DLGAP5: variants seen among roughly 807,000 people sequenced by gnomAD.
The protein encoded by DLGAP5 is disks large-associated protein 5.
A neutral mutation model predicts 99.6 loss-of-function variants in DLGAP5; 90 were observed. The ratio of observed to expected loss-of-function variants is 0.90; its 90% CI spans 0.76 to 1.08. DLGAP5 has a LOEUF of 1.08. Ranked by LOEUF, DLGAP5 falls within the 50% of genes least tolerant of loss-of-function variation. DLGAP5 has a pLI of 0.00. For synonymous variants in DLGAP5, 311 were observed against 321.3 expected, an observed-to-expected ratio of 0.97 and a Z score of 0.34; for missense variants, 1,036 against 983.5, an observed-to-expected ratio of 1.05 and a Z score of -0.71.
chr14:55,184,438 A>T (rs769501142), intron 2 of DLGAP5, among the ~76,000 whole-genome samples: 7 of 152,166 alleles, frequency 4.6e-5, no homozygotes, highest in African/African-American at 7.2e-5. Flanking sequence ...GGCATTTATT[A>T]CTTCACTTTT....
At chr14:55,185,962 A>G (rs538881977) in intron 2 of DLGAP5, among the ~76,000 whole-genome samples, 1 of 152,356 alleles carries the variant, frequency 6.6e-6, no homozygotes, top group African/African-American at 2.4e-5. Context: ...ACTTTAGTAT[A>G]TACTTCTAAA....
rs749303143 is a variant in DLGAP5 at position 55,154,806 on chromosome 14, C to T, written c.1874G>A (p.Gly625Glu). 1.2e-6 allele frequency: 2 copies of T among 1,612,650 alleles called. No individual in the cohort carries two copies. Among genetic ancestry groups the T allele is most frequent in the East Asian group, 2.2e-5 (1 of 44,864 alleles). The change falls in exon 15 of 19, where the codon GGA (glycine) becomes GAA (glutamate). Residue 625 changes from glycine to glutamate, a missense_variant and splice_region_variant. Transcript: ENST00000247191. ...RVESPVKLFS[G>E]LSVSSEGPSQ... is the part of the protein sequence containing the mutation. The stretch of plus-strand genomic sequence containing the variant: ...AGGGCCTTCAGAAGAGACAGAAAGT[C>T]CTAGAAGATGAGAGAAATCACCTCA...
At chr14:55,168,509 T>C (rs534946869) in intron 12 of DLGAP5, among the ~76,000 whole-genome samples, 2 of 152,368 alleles carry the variant, frequency 1.3e-5, no homozygotes, top group South Asian at 2.1e-4. Context: ...TTGTTGGCTG[T>C]TGGTTCTTGA....
intron 12 of DLGAP5, among the ~76,000 whole-genome samples, chr14:55,164,830 G>A (rs1325424416): frequency 1.3e-5 from 2 of 150,872 alleles, no homozygotes. Flanking sequence ...GCTGAGGCAT[G>A]AGAATTGCTT....
At chr14:55,184,168 G>C (rs1321757901) in intron 2 of DLGAP5, among the ~76,000 whole-genome samples, 2 of 151,716 alleles carry the variant, frequency 1.3e-5, no homozygotes, top group Non-Finnish European at 2.9e-5. Flanking sequence ...AAAAAAAAAG[G>C]CTTTCAATAA....
chr14:55,155,489 G>GACGT (rs1882182429), intron 14 of DLGAP5, among the ~76,000 whole-genome samples: 1 of 148,950 alleles, frequency 6.7e-6, no homozygotes, highest in African/African-American at 2.5e-5. Context: ...TGGGATTACA[G>GACGT]GCACCCGCCA....
At chr14:55,175,115 G>T (rs1012932780) in intron 10 of DLGAP5, among the ~76,000 whole-genome samples, 3 of 152,200 alleles carry the variant, frequency 2.0e-5, no homozygotes, top group Non-Finnish European at 4.4e-5. Flanking sequence ...TTCAAACTAT[G>T]TGGTTGGGTC....
intron 15 of DLGAP5, among the ~76,000 whole-genome samples, chr14:55,154,005 G>A (rs1040238555): frequency 1.3e-5 from 2 of 152,046 alleles, no homozygotes; most frequent in Admixed American, 6.6e-5. Flanking sequence ...GCAGTAAGCC[G>A]AAATCGTACC....
chr14:55,156,510 G>C (rs748477343), intron 14 of DLGAP5, among the ~76,000 whole-genome samples: 1 of 152,184 alleles, frequency 6.6e-6, no homozygotes, highest in Admixed American at 6.5e-5. Flanking sequence ...AATCTGAGTA[G>C]ACTATGAGAA....
rs888519264 is a variant in DLGAP5, at chr14:55,158,714, T to G, written c.1681A>C (p.Lys561Gln). Residue 561 changes from lysine (K) to glutamine (Q), a missense_variant, in exon 14 of 19, where the codon AAA becomes CAA. Physicochemically the swap from Lys to Gln is moderately conservative, Grantham distance 53 (BLOSUM62 1). Coordinates refer to ENST00000247191, the MANE Select transcript of DLGAP5 (RefSeq NM_014750.5). ...CTTCCAGCATCATCCTGTTTTGGTT[T>G]ACTTGCTATACCTGAGACAACTTTT... is the stretch of plus-strand genomic sequence containing the variant. The part of the protein sequence containing the change: ...RKKVVSGIAS[K>Q]PKQDDAGRIA... 3 of 1,614,010 alleles carry G rather than the reference T, an allele frequency of 1.9e-6. No individual in the cohort carries two copies. The highest frequency in any genetic ancestry group is 2.5e-6 in the Non-Finnish European group (3 of 1,180,024).
intron 17 of DLGAP5, among the ~76,000 whole-genome samples, 178 bp downstream of exon 17, chr14:55,151,517 C>A (rs939726344): frequency 2.8e-5 from 1 of 36,240 alleles, no homozygotes; most frequent in African/African-American, 1.2e-4. Context: ...GAGTGAGACT[C>A]CATCTCAAAA....
intron 12 of DLGAP5, among the ~76,000 whole-genome samples, chr14:55,163,665 T>C (rs912462633): frequency 9.9e-5 from 15 of 152,228 alleles, no homozygotes; most frequent in African/African-American, 3.6e-4. Context: ...TTCGTATTGC[T>C]CCATACCCTC....
intron 12 of DLGAP5, among the ~76,000 whole-genome samples, chr14:55,164,254 T>A (rs978146003): frequency 6.6e-6 from 1 of 151,912 alleles, no homozygotes; most frequent in African/African-American, 2.4e-5. Context: ...GGGGATTGCT[T>A]GAACCGAGAA....
chr14:55,187,642 A>G (rs1883477294), intron 2 of DLGAP5, among the ~76,000 whole-genome samples: 1 of 131,462 alleles, frequency 7.6e-6, no homozygotes, highest in South Asian at 2.4e-4. Flanking sequence ...TTTTTTTTTT[A>G]GGAGACAGGA....
chr14:55,157,662 A>G (rs996389419), intron 14 of DLGAP5, among the ~76,000 whole-genome samples: 6 of 152,266 alleles, frequency 3.9e-5, no homozygotes, highest in African/African-American at 1.4e-4. Flanking sequence ...TTTTACTGGA[A>G]TATTTTTAAA....
chr14:55,158,362 G>C (rs775887165), intron 14 of DLGAP5, among the ~76,000 whole-genome samples, 160 bp downstream of exon 14: 14 of 152,256 alleles, frequency 9.2e-5, no homozygotes, highest in Non-Finnish European at 5.9e-5. Context: ...TACAGTGTTT[G>C]TGAGCGAGCA....
intron 18 of DLGAP5, among the ~76,000 whole-genome samples, chr14:55,148,944 A>G (rs1486040789): frequency 1.3e-5 from 2 of 152,198 alleles, no homozygotes; most frequent in African/African-American, 4.8e-5. Context: ...CCTAAACCAT[A>G]TAATAGCACT....
At chr14:55,155,093 C>T (rs769104458) in intron 14 of DLGAP5, among the ~76,000 whole-genome samples, 6 of 151,852 alleles carry the variant, frequency 4.0e-5, no homozygotes, top group South Asian at 2.1e-4. Flanking sequence ...TGTGATCTCT[C>T]GGCTCACTGC....
intron 2 of DLGAP5, among the ~76,000 whole-genome samples, chr14:55,188,041 T>C (rs1458906539): frequency 6.6e-6 from 1 of 152,182 alleles, no homozygotes; most frequent in Non-Finnish European, 1.5e-5. Flanking sequence ...AGACTTTAAT[T>C]TGAAAGATTT....
Sources: allele counts gnomAD v4.1 joint callset (sites outside exome capture counted in the v4.1 genomes callset), GRCh38; gene constraint gnomAD v4.1.1; transcripts MANE v1.5; gene names NCBI Gene and HGNC (gene_info 2026-07-23, HGNC 2026-07-21).